Variants in TMEM45B observed in about 807,000 individuals in gnomAD.
The protein encoded by TMEM45B is transmembrane protein 45B.
Under a neutral mutation model 27.3 loss-of-function variants are expected in TMEM45B, and 29 were observed. The observed-to-expected ratio is 1.06, with a 90% CI of 0.79 to 1.45. The LOEUF (loss-of-function observed/expected upper bound fraction) is 1.45, where lower values mean the gene tolerates loss of function less well. Among genes scored for constraint, TMEM45B ranks in the 40% most tolerant of loss-of-function variants. The probability of loss-of-function intolerance (pLI) is 0.00; values close to 1 mark genes in which losing one functional copy is unlikely to be tolerated. For synonymous variants in TMEM45B, 143 were observed against 134.7 expected, an observed-to-expected ratio of 1.06 and a Z score of -0.43; for missense variants, 348 against 343.9, an observed-to-expected ratio of 1.01 and a Z score of -0.09.
At chr11:129,854,026 G>T (rs908045705) in intron 2 of TMEM45B, among the ~76,000 whole-genome samples, 1 of 152,182 alleles carries the variant, frequency 6.6e-6, no homozygotes, top group African/African-American at 2.4e-5. Context: ...TTTACCCGGT[G>T]TTTTAAAACA....
chr11:129,816,721 A>G (rs1947355786), intron 1 of TMEM45B, among the ~76,000 whole-genome samples: 1 of 148,360 alleles, frequency 6.7e-6, no homozygotes, highest in Non-Finnish European at 1.5e-5. Flanking sequence ...AAGTTGCAGA[A>G]ATGGCCACTT....
chr11:129,847,454 GA>G (rs1251814822), intron 1 of TMEM45B, among the ~76,000 whole-genome samples: 34 of 150,804 alleles, frequency 2.3e-4, no homozygotes, highest in Middle Eastern at 3.4e-3. Context: ...GTTTCTCGCA[GA>G]GGGGGATTTG....
intron 1 of TMEM45B, among the ~76,000 whole-genome samples, chr11:129,840,056 A>G (rs1446405901): frequency 1.3e-5 from 2 of 152,192 alleles, no homozygotes; most frequent in African/African-American, 4.8e-5. Context: ...TAGAAGTCCA[A>G]ATTTTTATTG....
intron 1 of TMEM45B, among the ~76,000 whole-genome samples, chr11:129,849,725 C>A (rs564602656): frequency 6.6e-6 from 1 of 152,122 alleles, no homozygotes; most frequent in African/African-American, 2.4e-5. Flanking sequence ...GCTAGGGTGA[C>A]GGAGGAATGC....
chr11:129,835,793 A>G (rs1947612741), intron 1 of TMEM45B, among the ~76,000 whole-genome samples: 1 of 152,190 alleles, frequency 6.6e-6, no homozygotes, highest in African/African-American at 2.4e-5. Context: ...CCCAGACAAC[A>G]GAACACTGAG....
chr11:129,840,946 T>TAAA lies in TMEM45B; in HGVS notation c.-8-11507_-8-11505dup, dbSNP rs55905045. Among the ~76,000 whole-genome samples the TAAA allele has an allele frequency of 3.2e-3, 94 of 29,244 alleles. 3 individuals are homozygous for TAAA. The highest frequency in any genetic ancestry group is 8.8e-3 in the South Asian group (4 of 456). 19.2% of individuals were successfully genotyped at this position (29,244 alleles called of 152,430 possible). ...CAAAGAGGCAGGCAATTTCTTTCTG[T>TAAA]AAAAAAAAAAAAAAAAAAAAAAAAG... On this transcript the variant is annotated intron_variant, in intron 1 of 5. Transcript: ENST00000281441.
At chr11:129,824,579 T>G (rs925571813) in intron 1 of TMEM45B, among the ~76,000 whole-genome samples, 3 of 152,204 alleles carry the variant, frequency 2.0e-5, no homozygotes, top group Non-Finnish European at 4.4e-5. Context: ...ATGGCTAGAT[T>G]TAGGAGATGG....
At chr11:129,817,293 T>C (rs1947364753) in intron 1 of TMEM45B, among the ~76,000 whole-genome samples, 1 of 152,124 alleles carries the variant, frequency 6.6e-6, no homozygotes, top group Admixed American at 6.6e-5. Context: ...AGTGGGAAGT[T>C]ATGGAAAGAA....
At position 129,833,133 on chromosome 11, in the gene TMEM45B, GGGAGGC is replaced by G. The variant is rs1176767500; in HGVS notation, c.-9+17236_-9+17241del. Among the ~76,000 whole-genome samples, 4 of 151,974 alleles carry G rather than the reference GGGAGGC, an allele frequency of 2.6e-5. No individual in the cohort carries two copies. The East Asian group carries it at 7.7e-4, about 29-fold the overall frequency. On this transcript the variant is annotated intron_variant, in intron 1 of 5. Coordinates refer to ENST00000281441, the MANE Select transcript of TMEM45B (RefSeq NM_138788.5). ...GGCGCACCTGTAGTCCCAGCTACTTGGGAGGCTGAGGCTGGAGAGTTGCTTGAACCC... is the reference window on the plus strand; with the variant it reads ...GGCGCACCTGTAGTCCCAGCTACTTGTGAGGCTGGAGAGTTGCTTGAACCC...
At position 129,857,341 on chromosome 11, in the gene TMEM45B, GA is replaced by G; in HGVS notation, c.601del (p.Thr201HisfsTer41). The G allele has an allele frequency of 6.2e-7, 1 of 1,614,130 alleles. No individual in the cohort carries two copies. The highest frequency in any genetic ancestry group is 1.1e-5 in the South Asian group (1 of 91,072). ...QIGFVLFPPF[G>X]TPEWDQKDDA... is the part of the protein sequence containing the mutation. ...GGGTTTGTGCTGTTCCCACCTTTTG[GA>G]ACACCCGAATGGGACCAGAAGGATG... On this transcript the variant is annotated frameshift_variant, in exon 5 of 6. Coordinates refer to ENST00000281441, the MANE Select transcript of TMEM45B (RefSeq NM_138788.5). LOFTEE classifies it high-confidence loss of function.
chr11:129,835,498 T>C (rs1465916664), intron 1 of TMEM45B, among the ~76,000 whole-genome samples: 2 of 152,188 alleles, frequency 1.3e-5, no homozygotes, highest in East Asian at 1.9e-4. Flanking sequence ...TGAAGGAAGA[T>C]TGTCAGATTT....
intron 1 of TMEM45B, among the ~76,000 whole-genome samples, chr11:129,825,418 T>C (rs1052584466): frequency 6.6e-6 from 1 of 152,122 alleles, no homozygotes; most frequent in African/African-American, 2.4e-5. Flanking sequence ...AGATGGTGAG[T>C]TCAGTCTTGG....
intron 1 of TMEM45B, among the ~76,000 whole-genome samples, chr11:129,840,693 A>G (rs572784871): frequency 2.8e-4 from 42 of 151,850 alleles, no homozygotes; most frequent in Middle Eastern, 3.4e-3. Flanking sequence ...TATCAGCCTG[A>G]CCAACATGGT....
chr11:129,818,723 C>G (rs1012919804), intron 1 of TMEM45B, among the ~76,000 whole-genome samples: 1 of 152,186 alleles, frequency 6.6e-6, no homozygotes, highest in Non-Finnish European at 1.5e-5. Flanking sequence ...TAGAAACTCT[C>G]TCGTTTGGTA....
chr11:129,832,195 C>T (rs568021489), intron 1 of TMEM45B, among the ~76,000 whole-genome samples: 58 of 151,632 alleles, frequency 3.8e-4, no homozygotes, highest in African/African-American at 1.3e-3. Context: ...ACGGTGAAAC[C>T]CCGTTTCTAC....
chr11:129,841,378 CAG>C (rs1371259002), intron 1 of TMEM45B, among the ~76,000 whole-genome samples: 4 of 152,134 alleles, frequency 2.6e-5, no homozygotes, highest in African/African-American at 9.7e-5. Flanking sequence ...AGGAATTTAA[CAG>C]GGGGATTCTG....
chr11:129,853,482 C>T (rs1333273885), intron 2 of TMEM45B, among the ~76,000 whole-genome samples: 1 of 152,244 alleles, frequency 6.6e-6, no homozygotes, highest in African/African-American at 2.4e-5. Context: ...TCCCCACTCA[C>T]CATTCAGGCA....
At chr11:129,822,090 T>C (rs1591432977) in intron 1 of TMEM45B, among the ~76,000 whole-genome samples, 1 of 152,230 alleles carries the variant, frequency 6.6e-6, no homozygotes, top group Non-Finnish European at 1.5e-5. Context: ...CATGTTTTTT[T>C]AGTTCTAATA....
At chr11:129,828,304 G>A (rs1384505485) in intron 1 of TMEM45B, 4 of 152,258 alleles carry the variant, frequency 2.6e-5, no homozygotes, top group African/African-American at 7.2e-5. Context: ...TGGTGAAATC[G>A]TGCCAGAACA....
Sources: gnomAD v4.1 joint callset for allele counts (sites outside exome capture counted in the v4.1 genomes callset) on GRCh38, gnomAD v4.1.1 for gene constraint, MANE v1.5 for transcripts, NCBI Gene and HGNC (gene_info 2026-07-23, HGNC 2026-07-21) for gene names.